The following CHN2 variants were observed in gnomAD, a reference collection of about 807,000 sequenced individuals.
CHN2 encodes the protein chimerin 2.
Under a neutral mutation model 56.3 loss-of-function variants are expected in CHN2, and 35 were observed. The observed-to-expected ratio is 0.62, with a 90% CI of 0.47 to 0.82. CHN2 has a LOEUF of 0.82. Among genes scored for constraint, CHN2 ranks in the 40% least tolerant of loss-of-function variants. CHN2 has a pLI of 0.00. For missense variants in CHN2, 491 were observed against 580.5 expected (o/e 0.85, Z 1.58); for synonymous variants, 210 against 212.8 (o/e 0.99, Z 0.12).
At position 29,400,820 on chromosome 7, in the gene CHN2, G is replaced by A; in HGVS notation, c.568G>A (p.Val190Met). Reference protein sequence around the residue: ...TNVTHEEHTAVEKISSLVRRA... With the variant: ...TNVTHEEHTAMEKISSLVRRA... ...CGTCACACATGAAGAACACACAGCG[G>A]TGGAAAAGGTGAGCTGTGTGTGATG... The change falls in exon 6 of 13, where the codon GTG (valine) becomes ATG (methionine). Residue 190 changes from valine to methionine, a missense_variant. Val to Met is a conservative substitution (Grantham distance 21). Coordinates refer to ENST00000222792, the MANE Select transcript of CHN2 (RefSeq NM_004067.4). 1 of 1,613,288 alleles carries A rather than the reference G, an allele frequency of 6.2e-7. No homozygotes were observed. Among genetic ancestry groups the A allele is most frequent in the Non-Finnish European group, 8.5e-7 (1 of 1,179,696 alleles).
intron 7 of CHN2, among the ~76,000 whole-genome samples, chr7:29,491,923 G>A (rs749202099): frequency 6.6e-6 from 1 of 151,852 alleles, no homozygotes; most frequent in African/African-American, 2.4e-5. Context: ...TCTTGTTATT[G>A]TTGTATGCAA....
chr7:29,446,721 C>T (rs1235814047), intron 6 of CHN2, among the ~76,000 whole-genome samples: 1 of 152,208 alleles, frequency 6.6e-6, no homozygotes, highest in Non-Finnish European at 1.5e-5. Context: ...GCAGCAAATT[C>T]AGCCGTATTA....
chr7:29,272,383 C>T (rs1229452219), intron 1 of CHN2, among the ~76,000 whole-genome samples: 1 of 152,176 alleles, frequency 6.6e-6, no homozygotes, highest in East Asian at 1.9e-4. Flanking sequence ...TTCTCTCTGC[C>T]TTGCCAGGGA....
intron 1 of CHN2, among the ~76,000 whole-genome samples, chr7:29,304,062 GAAAA>G (rs5883200): frequency 6.7e-6 from 1 of 148,790 alleles, no homozygotes; most frequent in African/African-American, 2.5e-5. Context: ...ATCATCTCAA[GAAAA>G]AAAAAAAAAG....
chr7:29,449,289 A>G (rs1356615115), intron 6 of CHN2, among the ~76,000 whole-genome samples: 1 of 152,222 alleles, frequency 6.6e-6, no homozygotes, highest in Non-Finnish European at 1.5e-5. Context: ...TGTGTCAGGA[A>G]ACCTGGTTTG....
At chr7:29,375,291 T>C (rs1446638884) in intron 3 of CHN2, among the ~76,000 whole-genome samples, 1 of 137,976 alleles carries the variant, frequency 7.2e-6, no homozygotes, top group Non-Finnish European at 1.5e-5. Context: ...CTCCACCTCC[T>C]GGGTTCAAGC....
At chr7:29,189,408 T>C (rs1290363471) in intron 2 of CHN2, among the ~76,000 whole-genome samples, 1 of 152,040 alleles carries the variant, frequency 6.6e-6, no homozygotes, top group African/African-American at 2.4e-5. Context: ...CAAATTTTCA[T>C]AGAAAAAGAG....
chr7:29,498,758 C>CTTT (rs138784356), intron 8 of CHN2, among the ~76,000 whole-genome samples: 3 of 100,070 alleles, frequency 3.0e-5, no homozygotes, highest in African/African-American at 4.3e-5. Context: ...ACTATGCTGC[C>CTTT]TTTTTTTTTT....
At position 29,502,038 on chromosome 7, in the gene CHN2, C is replaced by T. The variant is rs199550075; in HGVS notation, c.913+1998C>T. Among the ~76,000 whole-genome samples, 3 of 152,082 alleles carry T rather than the reference C, an allele frequency of 2.0e-5. No homozygotes were observed. The East Asian group carries it at 5.8e-4, about 29-fold the overall frequency. ...AAAGTGACTTGATACATAAATGGACCGAGTACAATGTCCAATCTACTGAAC... is the reference window on the plus strand; with the variant it reads ...AAAGTGACTTGATACATAAATGGACTGAGTACAATGTCCAATCTACTGAAC... On this transcript the variant is annotated intron_variant, in intron 9 of 12. Coordinates refer to ENST00000222792, the MANE Select transcript of CHN2 (RefSeq NM_004067.4).
At chr7:29,195,629 A>AGAGAGAGAGAGAGAGAGAGAGTGT (rs869037854) in intron 1 of CHN2, among the ~76,000 whole-genome samples, 28 of 117,564 alleles carry the variant, frequency 2.4e-4, no homozygotes, top group Middle Eastern at 4.4e-3. Context: ...AGAGAGAGAG[A>AGAGAGAGAGAGAGAGAGAGAGTGT]GTGTGTGTGT....
At chr7:29,304,761 T>C (rs887080128) in intron 1 of CHN2, among the ~76,000 whole-genome samples, 1 of 152,080 alleles carries the variant, frequency 6.6e-6, no homozygotes, top group Non-Finnish European at 1.5e-5. Flanking sequence ...AAGGAAGATA[T>C]AGGGGGAGGC....
At chr7:29,330,687 T>C (rs893937353) in intron 1 of CHN2, among the ~76,000 whole-genome samples, 1 of 152,182 alleles carries the variant, frequency 6.6e-6, no homozygotes. Context: ...GCGTATTATA[T>C]GAAGAAAAGG....
intron 4 of CHN2, among the ~76,000 whole-genome samples, chr7:29,395,717 T>G (rs892949314): frequency 1.3e-4 from 20 of 152,188 alleles, no homozygotes; most frequent in Non-Finnish European, 4.4e-5. Context: ...GTTGGAGATA[T>G]TTGGACTTTT....
chr7:29,375,191 T>TA (rs1562557945), intron 3 of CHN2, among the ~76,000 whole-genome samples: 2 of 10,308 alleles, frequency 1.9e-4, no homozygotes. Context: ...TGCTCGGCCC[T>TA]TTTTTTTTTT....
At chr7:29,215,577 T>C (rs1022109545) in intron 1 of CHN2, among the ~76,000 whole-genome samples, 2 of 152,090 alleles carry the variant, frequency 1.3e-5, no homozygotes, top group African/African-American at 4.8e-5. Flanking sequence ...CAATTTTATG[T>C]TCTGTGCCAG....
chr7:29,219,729 T>A (rs1304183100), intron 1 of CHN2, among the ~76,000 whole-genome samples: 2 of 152,132 alleles, frequency 1.3e-5, no homozygotes, highest in Non-Finnish European at 2.9e-5. Flanking sequence ...TCAGGCAAAG[T>A]AGACTTTAAT....
intron 1 of CHN2, among the ~76,000 whole-genome samples, chr7:29,300,760 C>CT (rs1491227974): frequency 6.6e-6 from 1 of 152,146 alleles, no homozygotes; most frequent in East Asian, 1.9e-4. Flanking sequence ...CCAAAAGCCC[C>CT]TTTTTTCAGG....
intron 2 of CHN2, among the ~76,000 whole-genome samples, 185 bp from the exon 3 acceptor site, chr7:29,367,747 G>A (rs1799279496): frequency 6.6e-6 from 1 of 152,134 alleles, no homozygotes; most frequent in African/African-American, 2.4e-5. Context: ...TATATTCACA[G>A]TGACTAATTT....
At chr7:29,360,382 ATGG>A (rs1162612286) in intron 2 of CHN2, among the ~76,000 whole-genome samples, 1 of 151,968 alleles carries the variant, frequency 6.6e-6, no homozygotes, top group Non-Finnish European at 1.5e-5. Flanking sequence ...TTAGCCAGGC[ATGG>A]TGGTGCATGC....
Sources: allele counts gnomAD v4.1 joint callset (sites outside exome capture counted in the v4.1 genomes callset), GRCh38; gene constraint gnomAD v4.1.1; transcripts MANE v1.5; gene names NCBI Gene and HGNC (gene_info 2026-07-23, HGNC 2026-07-21).